Variants in MPHOSPH8 observed in about 807,000 individuals in gnomAD.
MPHOSPH8 encodes M-phase phosphoprotein, mpp.
A neutral mutation model predicts 87.3 loss-of-function variants in MPHOSPH8; 45 were observed. That is an observed-to-expected ratio of 0.52 (90% CI 0.41 to 0.66). The LOEUF (loss-of-function observed/expected upper bound fraction) is 0.66, where lower values mean the gene tolerates loss of function less well. Ranked by LOEUF, MPHOSPH8 falls within the 30% of genes least tolerant of loss-of-function variation. The probability of loss-of-function intolerance (pLI) is 0.00; values close to 1 mark genes in which losing one functional copy is unlikely to be tolerated. For synonymous variants in MPHOSPH8, 366 were observed against 376.9 expected (o/e 0.97, Z 0.33); for missense variants, 883 against 1,020.2 (o/e 0.87, Z 1.83).
At chr13:19,650,497 A>G in intron 5 of MPHOSPH8, 1 of 380,266 alleles carries the variant, frequency 2.6e-6, no homozygotes, top group Non-Finnish European at 4.6e-6. Flanking sequence ...AAATTAAAAG[A>G]TTTCTGATTT....
At chr13:19,658,736 C>T (rs1875344045) in intron 5 of MPHOSPH8, among the ~76,000 whole-genome samples, 2 of 152,180 alleles carry the variant, frequency 1.3e-5, no homozygotes, top group South Asian at 4.1e-4. Flanking sequence ...CTTAAAATTC[C>T]TCCTTTGCTA....
intron 8 of MPHOSPH8, 149 bp from the exon 9 acceptor site, chr13:19,662,891 C>T: frequency 1.5e-6 from 1 of 676,844 alleles, no homozygotes; most frequent in South Asian, 1.8e-5. Context: ...GGGGTGCACC[C>T]CCGTGGCCCC....
In MPHOSPH8 at chr13:19,673,306, T is replaced by C. The variant is rs1235992887; in HGVS notation, c.*1431T>C. 1.5e-5 allele frequency: 5 copies of C among 331,562 alleles called. No homozygotes were observed. In the Admixed American group the frequency reaches 1.6e-4, roughly 10 times the overall value. The allele number at this position is 331,562 out of a possible 1,614,324, so 20.5% of individuals were successfully genotyped here. On this transcript the variant is annotated 3_prime_UTR_variant, in exon 14 of 14. Transcript: ENST00000361479. ...AAAATTGTTTTGTTCCTCATTAGTT[T>C]ATAATTGTATGAAATACGATTTTAA... is the stretch of plus-strand genomic sequence containing the variant.
Position 19,647,228 on chromosome 13 carries a change from G to A in MPHOSPH8, c.1155G>A (p.Thr385=), listed in dbSNP as rs754103396. 5 of 1,613,966 alleles carry A rather than the reference G, an allele frequency of 3.1e-6. No homozygotes were observed. The highest frequency in any genetic ancestry group is 1.7e-4 in the Middle Eastern group (1 of 6,060). ...AGCTGATGCCTGTATCTGCCCAAAC[G>A]CCAAAGGGCCGGAGGTTGAGCGGGG... ...LEKLMPVSAQ[T]PKGRRLSGEE... The change falls in exon 3 of 14, where the codon ACG becomes ACA. Residue 385 remains threonine, a synonymous_variant. Coordinates refer to ENST00000361479, the MANE Select transcript of MPHOSPH8 (RefSeq NM_017520.4).
chr13:19,661,031 G>T, intron 7 of MPHOSPH8: 1 of 908,916 alleles, frequency 1.1e-6, no homozygotes, highest in Non-Finnish European at 1.3e-6. Flanking sequence ...GCTGTGGCAG[G>T]AGGAATGCTT....
chr13:19,669,025 G>A (rs113813777), intron 11 of MPHOSPH8, among the ~76,000 whole-genome samples: 101 of 152,282 alleles, frequency 6.6e-4, no homozygotes, highest in African/African-American at 2.2e-3. Flanking sequence ...GCAGTCTGCC[G>A]AGGGGAGGAA....
intron 10 of MPHOSPH8, among the ~76,000 whole-genome samples, chr13:19,667,986 G>A (rs908902754): frequency 1.4e-4 from 21 of 152,146 alleles, no homozygotes; most frequent in Non-Finnish European, 2.4e-4. Flanking sequence ...CTGGTCACAC[G>A]GGGGGTTTGC....
chr13:19,662,963 C>T (rs1375197962), intron 8 of MPHOSPH8, 77 bp from the exon 9 acceptor site: 20 of 1,289,776 alleles, frequency 1.6e-5, no homozygotes, highest in Middle Eastern at 1.9e-4. Flanking sequence ...TTCCTGATGA[C>T]TAAAAATTTC....
At chr13:19,655,231 T>C (rs1418645592) in intron 5 of MPHOSPH8, among the ~76,000 whole-genome samples, 1 of 152,062 alleles carries the variant, frequency 6.6e-6, no homozygotes, top group African/African-American at 2.4e-5. Context: ...ATCTTAACAC[T>C]TTGGGAGCTG....
At chr13:19,661,076 T>A (rs774022150) in intron 7 of MPHOSPH8, 4 of 419,826 alleles carry the variant, frequency 9.5e-6, no homozygotes, top group Non-Finnish European at 1.3e-5. Context: ...TGGGCTGACA[T>A]AGCAACACCG....
intron 12 of MPHOSPH8, chr13:19,670,822 T>C: frequency 1.5e-5 from 4 of 264,332 alleles, no homozygotes; most frequent in Admixed American, 3.1e-4. Context: ...ATAAATCACT[T>C]TTTTTTTTTT....
chr13:19,667,258 G>A (rs1875871170), intron 10 of MPHOSPH8, among the ~76,000 whole-genome samples: 1 of 152,092 alleles, frequency 6.6e-6, no homozygotes, highest in South Asian at 2.1e-4. Context: ...CAGCAAAGTT[G>A]AGCGGAGGGT....
At chr13:19,644,956 A>G (rs941844709) in intron 2 of MPHOSPH8, among the ~76,000 whole-genome samples, 4 of 151,896 alleles carry the variant, frequency 2.6e-5, no homozygotes, top group African/African-American at 9.7e-5. Context: ...AGGATAGTCA[A>G]CCTGGCTAAT....
chr13:19,638,088 G>A (rs1391184441), intron 1 of MPHOSPH8, among the ~76,000 whole-genome samples: 1 of 148,250 alleles, frequency 6.7e-6, no homozygotes, highest in Non-Finnish European at 1.5e-5. Flanking sequence ...GCGAAAGAGT[G>A]AGACTCCATC....
At chr13:19,634,060 C>A in intron 1 of MPHOSPH8, 99 bp downstream of exon 1, 1 of 1,248,064 alleles carries the variant, frequency 8.0e-7, no homozygotes, top group Non-Finnish European at 1.1e-6. Flanking sequence ...AAAACAGGAG[C>A]GGGGGAGGAA....
At position 19,634,003 on chromosome 13, in the gene MPHOSPH8, C is replaced by T. The variant is rs375559883; in HGVS notation, c.213+42C>T. On this transcript the variant is annotated intron_variant, in intron 1 of 13. Transcript: ENST00000361479. ...CGGCGCGGGGCTGGGCGGGGAGCTC[C>T]GGGCCTGGCGGGGAGGACGCGAGCT... is the stretch of plus-strand genomic sequence containing the variant. The T allele has an allele frequency of 9.8e-5, 155 of 1,574,470 alleles. 1 individual carries two copies. In the African/African-American group the frequency reaches 1.5e-3, roughly 15 times the overall value.
intron 7 of MPHOSPH8, among the ~76,000 whole-genome samples, chr13:19,659,503 A>C (rs2137532117): frequency 6.6e-6 from 1 of 152,210 alleles, no homozygotes; most frequent in South Asian, 2.1e-4. Context: ...AACTCTACAA[A>C]AAATACAAAA....
Position 19,670,367 on chromosome 13 carries a change from A to G in MPHOSPH8, c.2457+4A>G, listed in dbSNP as rs760061785. The G allele has an allele frequency of 1.2e-6, 2 of 1,613,624 alleles. No homozygotes were observed. The highest frequency in any genetic ancestry group is 1.1e-5 in the South Asian group (1 of 91,020). ...ATTTCAGCTTCCTGTTTTTCTGGTA[A>G]GATACTCTGTATTTCACTACTGAAA... On this transcript the variant is annotated splice_donor_region_variant and intron_variant, in intron 12 of 13. Transcript: ENST00000361479.
At chr13:19,660,717 CTT>C (rs566986291) in intron 7 of MPHOSPH8, among the ~76,000 whole-genome samples, 28 of 151,998 alleles carry the variant, frequency 1.8e-4, no homozygotes, top group Non-Finnish European at 3.5e-4. Context: ...TCATTAGAGT[CTT>C]TTTTCATTTA....
Sources: gnomAD v4.1 joint callset for allele counts (sites outside exome capture counted in the v4.1 genomes callset) on GRCh38, gnomAD v4.1.1 for gene constraint, MANE v1.5 for transcripts, NCBI Gene and HGNC (gene_info 2026-07-23, HGNC 2026-07-21) for gene names.